MAGI2: variants seen among roughly 807,000 people sequenced by gnomAD.
The protein encoded by MAGI2 is membrane-associated guanylate kinase, WW and PDZ domain-containing protein 2.
MAGI2 carries 35 observed loss-of-function variants against 133.3 expected under a neutral mutation model. The ratio of observed to expected loss-of-function variants is 0.26; its 90% CI spans 0.20 to 0.35. The LOEUF is 0.35. Ranked by LOEUF, MAGI2 falls within the 10% of genes least tolerant of loss-of-function variation. The probability of loss-of-function intolerance (pLI) is 1.00; values close to 1 mark genes in which losing one functional copy is unlikely to be tolerated. For synonymous variants in MAGI2, 729 were observed against 710.6 expected (o/e 1.03, Z -0.41); for missense variants, 1,636 against 1,863.4 (o/e 0.88, Z 2.25).
chr7:78,813,972 G>T (rs901111891), intron 2 of MAGI2, among the ~76,000 whole-genome samples: 1 of 152,090 alleles, frequency 6.6e-6, no homozygotes, highest in African/African-American at 2.4e-5. Flanking sequence ...GAATGTTTGT[G>T]CTAACCCCTT....
Position 78,127,369 on chromosome 7 carries a change from C to G in MAGI2, c.3251G>C (p.Arg1084Pro). 6.2e-7 allele frequency: 1 copy of G among 1,608,044 alleles called. No individual in the cohort carries two copies. The highest frequency in any genetic ancestry group is 1.7e-5 in the Admixed American group (1 of 59,978). ...CCTGTAGTCTGTGAATGGAGGCTGT[C>G]GGATGTCTGGTTTCACATCTTGCCT... ...KARQDVKPDI[R>P]QPPFTDYRQP... The change falls in exon 19 of 22, where the codon CGA (arginine) becomes CCA (proline). Residue 1084 changes from arginine (R) to proline (P), a missense_variant. Arg to Pro is a moderately radical substitution (Grantham distance 103, BLOSUM62 -2). Transcript: ENST00000354212.
intron 1 of MAGI2, among the ~76,000 whole-genome samples, chr7:79,045,275 C>T (rs1812068352): frequency 6.6e-6 from 1 of 152,210 alleles, no homozygotes; most frequent in East Asian, 1.9e-4. Context: ...AAATATTTTA[C>T]ATCTTAACTA....
chr7:79,442,018 A>G (rs1848527578), intron 1 of MAGI2, among the ~76,000 whole-genome samples: 1 of 152,162 alleles, frequency 6.6e-6, no homozygotes, highest in Non-Finnish European at 1.5e-5. Context: ...ATATAAGGTT[A>G]TAATCCTGTG....
chr7:79,044,961 T>G (rs1033064655), intron 1 of MAGI2, among the ~76,000 whole-genome samples: 1 of 152,204 alleles, frequency 6.6e-6, no homozygotes, highest in African/African-American at 2.4e-5. Context: ...AGAACAAATG[T>G]GCATCAAAAG....
chr7:79,228,852 A>T (rs1684557623), intron 1 of MAGI2, among the ~76,000 whole-genome samples: 1 of 152,014 alleles, frequency 6.6e-6, no homozygotes, highest in South Asian at 2.1e-4. Flanking sequence ...TCTTTAGAGG[A>T]TGCTAATAGG....
intron 9 of MAGI2, among the ~76,000 whole-genome samples, chr7:78,305,772 A>C (rs1242630979): frequency 6.6e-6 from 1 of 152,150 alleles, no homozygotes; most frequent in Non-Finnish European, 1.5e-5. Context: ...CTCTATCTTT[A>C]AGCATACCTG....
intron 1 of MAGI2, among the ~76,000 whole-genome samples, chr7:79,419,518 T>G (rs1262700445): frequency 6.6e-6 from 1 of 152,032 alleles, no homozygotes; most frequent in African/African-American, 2.4e-5. Context: ...GTGGTAACTT[T>G]AGCTTTGAAT....
chr7:78,661,797 C>T lies in MAGI2; in HGVS notation c.419-34558G>A, dbSNP rs544145488. 2.0e-5 allele frequency among the ~76,000 whole-genome samples: 3 copies of T among 152,300 alleles called. No homozygotes were observed. In the East Asian group the frequency reaches 5.8e-4, roughly 29 times the overall value. ...ACCTGCTGTCAGCTACTTCTGCCAA[C>T]TCATAATGTGCTTGATGTCAAAACT... On this transcript the variant is annotated intron_variant, in intron 2 of 21. Transcript: ENST00000354212.
intron 1 of MAGI2, among the ~76,000 whole-genome samples, chr7:79,435,843 C>G (rs1420240495): frequency 6.6e-6 from 1 of 152,058 alleles, no homozygotes; most frequent in African/African-American, 2.4e-5. Context: ...AGAGGCATCA[C>G]CATTACCTGA....
rs535224631 is a variant in MAGI2, at chr7:78,659,525, AAACTG to A, written c.419-32291_419-32287del. 5.9e-3 allele frequency among the ~76,000 whole-genome samples: 897 copies of A among 152,136 alleles called. 12 individuals are homozygous for A. The highest frequency in any genetic ancestry group is 0.021 in the African/African-American group (866 of 41,496). On this transcript the variant is annotated intron_variant, in intron 2 of 21. Transcript: ENST00000354212. ...ACCAGAGAATTATGCCAAATGAAAA[AAACTG>A]AACCCCAAAAGCTTGCCTACTGTAT...
chr7:78,947,438 C>T (rs1048697783), intron 2 of MAGI2, among the ~76,000 whole-genome samples: 1 of 152,098 alleles, frequency 6.6e-6, no homozygotes, highest in African/African-American at 2.4e-5. Context: ...GAACTGTGCT[C>T]ATATTAATAA....
chr7:79,122,433 A>G (rs1819986520), intron 1 of MAGI2, among the ~76,000 whole-genome samples: 1 of 152,212 alleles, frequency 6.6e-6, no homozygotes, highest in Non-Finnish European at 1.5e-5. Flanking sequence ...ACATAGATGT[A>G]TAGGGTTATA....
chr7:79,017,854 C>A (rs1808894819), intron 1 of MAGI2, among the ~76,000 whole-genome samples: 1 of 151,922 alleles, frequency 6.6e-6, no homozygotes. Context: ...GACTGGCTCT[C>A]CAAAATAACT....
chr7:78,056,826 A>G (rs1486509024), intron 21 of MAGI2, among the ~76,000 whole-genome samples: 12 of 152,130 alleles, frequency 7.9e-5, no homozygotes, highest in Admixed American at 7.9e-4. Flanking sequence ...TTAAAAGTTG[A>G]AGAAAAAAGA....
At chr7:78,723,413 C>A (rs553455212) in intron 2 of MAGI2, among the ~76,000 whole-genome samples, 2 of 152,232 alleles carry the variant, frequency 1.3e-5, no homozygotes, top group South Asian at 4.1e-4. Context: ...TTAATAAGAA[C>A]CATAAGTGAT....
At chr7:78,571,086 A>G (rs1361565850) in intron 3 of MAGI2, among the ~76,000 whole-genome samples, 1 of 152,190 alleles carries the variant, frequency 6.6e-6, no homozygotes, top group African/African-American at 2.4e-5. Flanking sequence ...CCTCGAAGTG[A>G]AATGCTCTCT....
At chr7:78,427,643 TGA>T (rs1799408215) in intron 6 of MAGI2, among the ~76,000 whole-genome samples, 1 of 137,608 alleles carries the variant, frequency 7.3e-6, no homozygotes, top group Admixed American at 7.7e-5. Context: ...TTTCAGTAAC[TGA>T]GAGAACAAAA....
chr7:79,007,151 A>G lies in MAGI2; in HGVS notation c.357T>C (p.Gly119=). Residue 119 remains glycine (G), a synonymous_variant, in exon 2 of 22, where the codon GGT becomes GGC. Transcript: ENST00000354212. The stretch of plus-strand genomic sequence containing the variant: ...TTTGCTGAAGCTCATGGTCCACAGA[A>G]CCCTTTTGAAATCGTAAGTTGAGGT... The part of the protein sequence containing the change: ...RHYLNLRFQK[G]SVDHELQQII... The G allele has an allele frequency of 5.0e-6, 8 of 1,613,650 alleles. No individual in the cohort carries two copies. Among genetic ancestry groups the G allele is most frequent in the Non-Finnish European group, 6.8e-6 (8 of 1,179,746 alleles).
At chr7:78,741,735 T>C (rs1383036680) in intron 2 of MAGI2, among the ~76,000 whole-genome samples, 2 of 152,120 alleles carry the variant, frequency 1.3e-5, no homozygotes, top group South Asian at 2.1e-4. Context: ...GAAATAGGGA[T>C]ACTAACTATA....
Sources: gnomAD v4.1 joint callset for allele counts (sites outside exome capture counted in the v4.1 genomes callset) on GRCh38, gnomAD v4.1.1 for gene constraint, MANE v1.5 for transcripts, NCBI Gene and HGNC (gene_info 2026-07-23, HGNC 2026-07-21) for gene names.